The following ZNF618 variants were observed in gnomAD, a reference collection of about 807,000 sequenced individuals.
ZNF618 encodes the protein zinc finger protein 618, also known as neural precursor cell expressed, developmentally down-regulated 10.
Under a neutral mutation model 103.0 loss-of-function variants are expected in ZNF618, and 34 were observed. The ratio of observed to expected loss-of-function variants is 0.33; its 90% confidence interval spans 0.25 to 0.44. The LOEUF is 0.44. Ranked by LOEUF, ZNF618 falls within the 20% of genes least tolerant of loss-of-function variation. The pLI is 1.00. For synonymous variants in ZNF618, 551 were observed against 542.2 expected (o/e 1.02, Z -0.23); for missense variants, 1,059 against 1,295.4 (o/e 0.82, Z 2.80).
intron 13 of ZNF618, among the ~76,000 whole-genome samples, chr9:114,041,288 CT>C (rs1845158780): frequency 6.6e-6 from 1 of 152,136 alleles, no homozygotes; most frequent in Non-Finnish European, 1.5e-5. Flanking sequence ...TGCCTATTCA[CT>C]CTGATGGTAG....
chr9:113,919,886 G>A (rs1216682840), intron 1 of ZNF618, among the ~76,000 whole-genome samples: 1 of 152,236 alleles, frequency 6.6e-6, no homozygotes, highest in African/African-American at 2.4e-5. Flanking sequence ...ACAGTCAACT[G>A]CAGAGCTGAT....
At chr9:113,998,196 T>A in intron 3 of ZNF618, 63 bp from the exon 4 acceptor site, 2 of 1,483,158 alleles carry the variant, frequency 1.3e-6, no homozygotes, top group Admixed American at 2.0e-5. Flanking sequence ...ACTTCGCCCC[T>A]TCCCTAACCT....
At chr9:113,980,530 G>T (rs11788533) in intron 2 of ZNF618, among the ~76,000 whole-genome samples, 16 of 151,968 alleles carry the variant, frequency 1.1e-4, no homozygotes, top group Non-Finnish European at 2.2e-4. Context: ...GACCAGCCTG[G>T]GCAACATAGA....
At position 114,048,743 on chromosome 9, in the gene ZNF618, C is replaced by T; in HGVS notation, c.1441C>T (p.Leu481=). The part of the protein sequence containing the change: ...ERLLRVMCAD[L]GALSVVSGKE... ...GCTGTTGAGGGTCATGTGTGCCGACCTGGGTGCACTGAGCGTGGTCAGCGG... is the reference window on the plus strand; with the variant it reads ...GCTGTTGAGGGTCATGTGTGCCGACTTGGGTGCACTGAGCGTGGTCAGCGG... The change falls in exon 15 of 15, where the codon CTG becomes TTG. Residue 481 remains leucine, a synonymous_variant. Transcript: ENST00000374126. The T allele has an allele frequency of 6.2e-7, 1 of 1,614,040 alleles. No individual in the cohort carries two copies. Among genetic ancestry groups the T allele is most frequent in the South Asian group, 1.1e-5 (1 of 91,082 alleles).
intron 13 of ZNF618, among the ~76,000 whole-genome samples, chr9:114,039,945 G>A (rs1844991412): frequency 6.6e-6 from 1 of 150,762 alleles, no homozygotes; most frequent in Admixed American, 6.6e-5. Context: ...GTGGGGGAGG[G>A]GGGAGGACAC....
intron 1 of ZNF618, among the ~76,000 whole-genome samples, chr9:113,907,598 A>G (rs1477990096): frequency 6.6e-6 from 1 of 152,148 alleles, no homozygotes; most frequent in Non-Finnish European, 1.5e-5. Context: ...GGACACCTCC[A>G]CACCACCTCT....
intron 11 of ZNF618, among the ~76,000 whole-genome samples, chr9:114,031,983 A>C (rs1844095191): frequency 6.6e-6 from 1 of 152,078 alleles, no homozygotes; most frequent in Non-Finnish European, 1.5e-5. Context: ...GTTTCCAGAG[A>C]GCACTTGGAA....
chr9:114,008,729 G>A (rs1379014894), intron 9 of ZNF618, among the ~76,000 whole-genome samples, 175 bp downstream of exon 9: 1 of 152,192 alleles, frequency 6.6e-6, no homozygotes, highest in Admixed American at 6.5e-5. Context: ...TCGAGGAGCA[G>A]CAGGGCAGCA....
chr9:114,000,402 G>A (rs1180969026), intron 4 of ZNF618, among the ~76,000 whole-genome samples: 2 of 152,172 alleles, frequency 1.3e-5, no homozygotes, highest in Admixed American at 6.5e-5. Context: ...CCCACGGCCC[G>A]TGACCGCATG....
At chr9:114,002,128 C>G in intron 5 of ZNF618, 55 bp downstream of exon 5, 1 of 1,536,112 alleles carries the variant, frequency 6.5e-7, no homozygotes, top group South Asian at 1.1e-5. Flanking sequence ...CACTGTCTGC[C>G]TGTTTCCCAC....
chr9:113,906,571 C>A (rs1468516094), intron 1 of ZNF618, among the ~76,000 whole-genome samples: 2 of 152,122 alleles, frequency 1.3e-5, no homozygotes, highest in African/African-American at 4.8e-5. Flanking sequence ...TCCAAGTGCT[C>A]CGTGGAGTCA....
chr9:113,917,363 A>G (rs1231205724), intron 1 of ZNF618, among the ~76,000 whole-genome samples: 2 of 148,084 alleles, frequency 1.4e-5, no homozygotes, highest in Non-Finnish European at 3.0e-5. Context: ...CTCCTACCTC[A>G]GCCTCCCGTG....
At chr9:113,950,672 G>C (rs1280963919) in intron 1 of ZNF618, among the ~76,000 whole-genome samples, 1 of 152,132 alleles carries the variant, frequency 6.6e-6, no homozygotes, top group Non-Finnish European at 1.5e-5. Flanking sequence ...GGCTGCCCTC[G>C]GCCTGGGGAA....
intron 1 of ZNF618, among the ~76,000 whole-genome samples, chr9:113,879,872 G>A (rs1429729541): frequency 6.6e-6 from 1 of 151,884 alleles, no homozygotes; most frequent in Non-Finnish European, 1.5e-5. Flanking sequence ...AGGAAAAGAG[G>A]TTTGCTTATA....
At chr9:113,997,099 CTTT>C (rs1338990158) in intron 3 of ZNF618, among the ~76,000 whole-genome samples, 11 of 150,686 alleles carry the variant, frequency 7.3e-5, no homozygotes, top group Non-Finnish European at 1.5e-4. Context: ...TCTTCTTCTT[CTTT>C]TTTCTTCTTT....
intron 10 of ZNF618, 74 bp from the exon 11 acceptor site, chr9:114,028,659 G>C: frequency 6.7e-7 from 1 of 1,494,486 alleles, no homozygotes; most frequent in South Asian, 1.3e-5. Flanking sequence ...TGGAATGTGG[G>C]GCTGGTGGCC....
At chr9:113,970,133 G>C (rs1465982438) in intron 2 of ZNF618, among the ~76,000 whole-genome samples, 2 of 152,142 alleles carry the variant, frequency 1.3e-5, no homozygotes, top group African/African-American at 2.4e-5. Flanking sequence ...AGACTTTCCA[G>C]ATCTTTTAAT....
intron 1 of ZNF618, among the ~76,000 whole-genome samples, chr9:113,966,093 C>T (rs1032893516): frequency 2.0e-5 from 3 of 152,154 alleles, no homozygotes; most frequent in Admixed American, 6.5e-5. Flanking sequence ...AAATAGTGGC[C>T]TCTATAACTA....
At chr9:113,879,036 A>G (rs1246056965) in intron 1 of ZNF618, among the ~76,000 whole-genome samples, 1 of 151,936 alleles carries the variant, frequency 6.6e-6, no homozygotes, top group Non-Finnish European at 1.5e-5. Flanking sequence ...TAATTAAAAA[A>G]ATTTTTTTCT....
Sources: allele counts gnomAD v4.1 joint callset (sites outside exome capture counted in the v4.1 genomes callset), GRCh38; gene constraint gnomAD v4.1.1; transcripts MANE v1.5; gene names NCBI Gene and HGNC (gene_info 2026-07-23, HGNC 2026-07-21).